The following NCOA2 variants were observed in gnomAD, a reference collection of about 807,000 sequenced individuals.
NCOA2 encodes class E basic helix-loop-helix protein 75.
Under a neutral mutation model 145.1 loss-of-function variants are expected in NCOA2, and 21 were observed. The ratio of observed to expected loss-of-function variants is 0.14; its 90% confidence interval spans 0.10 to 0.21. The LOEUF (loss-of-function observed/expected upper bound fraction) is 0.21. Among genes scored for constraint, NCOA2 ranks in the 10% least tolerant of loss-of-function variants. The pLI is 1.00. For missense variants in NCOA2, 1,472 were observed against 1,837.6 expected, an observed-to-expected ratio of 0.80 and a Z score of 3.64; for synonymous variants, 619 against 637.5, an observed-to-expected ratio of 0.97 and a Z score of 0.44.
chr8:70,397,379 GGAGGCA>G (rs936917642), intron 1 of NCOA2, among the ~76,000 whole-genome samples: 2 of 151,720 alleles, frequency 1.3e-5, no homozygotes, highest in Non-Finnish European at 2.9e-5. Context: ...CTTGAACCCG[GGAGGCA>G]GAGGTTGCAG....
chr8:70,403,001 A>G (rs1814492619), intron 1 of NCOA2, among the ~76,000 whole-genome samples: 1 of 131,244 alleles, frequency 7.6e-6, no homozygotes, highest in Non-Finnish European at 1.6e-5. Context: ...CCCGGGGCTG[A>G]CACGGGCCCG....
chr8:70,424,673 C>T, the NCOA2 span: 44 of 291,702 alleles, frequency 1.5e-4, no homozygotes, highest in Non-Finnish European at 2.6e-4. Flanking sequence ...TTGTGAAATA[C>T]GTGATCCCCG....
chr8:70,209,209 G>T (rs1818768875), intron 4 of NCOA2, among the ~76,000 whole-genome samples: 1 of 152,204 alleles, frequency 6.6e-6, no homozygotes, highest in Non-Finnish European at 1.5e-5. Context: ...AAGAGAACTG[G>T]AATTAGAAGT....
intron 2 of NCOA2, among the ~76,000 whole-genome samples, chr8:70,246,233 C>A (rs1247745358): frequency 6.6e-6 from 1 of 152,066 alleles, no homozygotes; most frequent in African/African-American, 2.4e-5. Flanking sequence ...AGCAGCTGAT[C>A]ACATTATATT....
At chr8:70,414,884 G>T in the NCOA2 span, among the ~76,000 whole-genome samples, 16 of 152,088 alleles carry the variant, frequency 1.1e-4, no homozygotes, top group Admixed American at 8.5e-4. Flanking sequence ...TAACTAAGAT[G>T]CATTTATTAG....
At chr8:70,150,982 A>C (rs1042405018) in intron 11 of NCOA2, among the ~76,000 whole-genome samples, 1 of 152,220 alleles carries the variant, frequency 6.6e-6, no homozygotes, top group African/African-American at 2.4e-5. Flanking sequence ...TAAACTGAGA[A>C]GGTTATATCT....
intron 1 of NCOA2, among the ~76,000 whole-genome samples, chr8:70,399,354 T>A (rs945365905): frequency 1.3e-5 from 2 of 152,174 alleles, no homozygotes; most frequent in Non-Finnish European, 2.9e-5. Context: ...AGAGGTAAAA[T>A]TAGCCTTAAA....
intron 5 of NCOA2, among the ~76,000 whole-genome samples, chr8:70,171,392 T>A (rs540771641): frequency 6.6e-6 from 1 of 152,248 alleles, no homozygotes. Flanking sequence ...ATTCCAAAGC[T>A]CATGCTTTGA....
chr8:70,177,434 GC>G (rs1175303427), intron 4 of NCOA2, among the ~76,000 whole-genome samples: 1 of 152,092 alleles, frequency 6.6e-6, no homozygotes, highest in East Asian at 1.9e-4. Context: ...ATCTATGGGG[GC>G]TGACTGAAAG....
Position 70,335,105 on chromosome 8 carries a change from A to G in NCOA2, c.-76-38305T>C, listed in dbSNP as rs547642437. Among the ~76,000 whole-genome samples the G allele has an allele frequency of 3.7e-5, 5 of 136,862 alleles. No individual in the cohort carries two copies. The East Asian group carries it at 1.2e-3, about 32-fold the overall frequency. The allele number at this position is 136,862 out of a possible 152,430, so 89.8% of individuals were successfully genotyped here. The stretch of plus-strand genomic sequence containing the variant: ...GCCACTGCACTCCAGCCTGGGCAAC[A>G]GCATGAGACTCCATCTCAAAAAAAA... On this transcript the variant is annotated intron_variant, in intron 1 of 22. Transcript: ENST00000452400.
intron 1 of NCOA2, among the ~76,000 whole-genome samples, chr8:70,324,027 A>G (rs924810330): frequency 2.0e-5 from 3 of 152,056 alleles, no homozygotes; most frequent in African/African-American, 7.2e-5. Flanking sequence ...TTCTGCTACT[A>G]GTTTTTCTCT....
chr8:70,245,156 TCTC>T (rs981314607), intron 2 of NCOA2: 2 of 152,016 alleles, frequency 1.3e-5, no homozygotes. Flanking sequence ...CAGAGATAAA[TCTC>T]CTCTGTTAAC....
At chr8:70,254,013 A>G (rs1405124931) in intron 2 of NCOA2, among the ~76,000 whole-genome samples, 2 of 152,234 alleles carry the variant, frequency 1.3e-5, no homozygotes, top group Admixed American at 1.3e-4. Flanking sequence ...ATTGACATCC[A>G]GAATATATGA....
At chr8:70,223,037 G>T (rs1181284436) in intron 2 of NCOA2, among the ~76,000 whole-genome samples, 1 of 152,146 alleles carries the variant, frequency 6.6e-6, no homozygotes, top group Non-Finnish European at 1.5e-5. Context: ...GTTTTAATGA[G>T]GCCTCAGATG....
At chr8:70,120,698 G>A (rs962778417) in intron 22 of NCOA2, among the ~76,000 whole-genome samples, 3 of 151,964 alleles carry the variant, frequency 2.0e-5, no homozygotes, top group Non-Finnish European at 4.4e-5. Flanking sequence ...TCCAGCCTGG[G>A]CAACAAAGCA....
chr8:70,124,500 T>A (rs1296548527), intron 20 of NCOA2, among the ~76,000 whole-genome samples, 188 bp downstream of exon 20: 2 of 152,016 alleles, frequency 1.3e-5, no homozygotes, highest in African/African-American at 4.8e-5. Context: ...AACAAGAACA[T>A]CCCTAACAAG....
At chr8:70,443,158 G>A in the NCOA2 span, among the ~76,000 whole-genome samples, 1 of 152,016 alleles carries the variant, frequency 6.6e-6, no homozygotes, top group Admixed American at 6.5e-5. Context: ...TGAGGCCAGG[G>A]GTTTGAGATC....
At chr8:70,418,140 T>C in the NCOA2 span, among the ~76,000 whole-genome samples, 16 of 152,116 alleles carry the variant, frequency 1.1e-4, no homozygotes, top group Admixed American at 1.0e-3. Context: ...CTGTGAATAG[T>C]GGGTATGGGA....
chr8:70,448,305 G>A, the NCOA2 span, among the ~76,000 whole-genome samples: 6 of 152,182 alleles, frequency 3.9e-5, no homozygotes, highest in African/African-American at 1.4e-4. Context: ...ATTTTTATAA[G>A]TATGCTGGAA....
Sources: gnomAD v4.1 joint callset for allele counts (sites outside exome capture counted in the v4.1 genomes callset) on GRCh38, gnomAD v4.1.1 for gene constraint, MANE v1.5 for transcripts, NCBI Gene and HGNC (gene_info 2026-07-23, HGNC 2026-07-21) for gene names.